Variants in NOL10 observed in about 807,000 individuals in gnomAD.
NOL10 encodes the protein H_NH0074G24.1.
Under a neutral mutation model 103.5 loss-of-function variants are expected in NOL10, and 58 were observed. The observed-to-expected ratio is 0.56, with a 90% CI of 0.45 to 0.70. The LOEUF (loss-of-function observed/expected upper bound fraction) is 0.70, where lower values mean the gene tolerates loss of function less well. Ranked by LOEUF, NOL10 falls within the 30% of genes least tolerant of loss-of-function variation. The probability of loss-of-function intolerance (pLI) is 0.00; values close to 1 mark genes in which losing one functional copy is unlikely to be tolerated. For synonymous variants in NOL10, 287 were observed against 282.5 expected, an observed-to-expected ratio of 1.02 and a Z score of -0.16; for missense variants, 763 against 807.3, an observed-to-expected ratio of 0.95 and a Z score of 0.67.
chr2:10,636,749 GGAA>G (rs202180578), intron 13 of NOL10, among the ~76,000 whole-genome samples: 3,695 of 152,144 alleles, frequency 0.024, 81 homozygotes, highest in Non-Finnish European at 0.033. Flanking sequence ...CATCTATATA[GGAA>G]GAAGATCACA....
intron 13 of NOL10, among the ~76,000 whole-genome samples, chr2:10,641,479 G>A (rs12472807): frequency 0.58 from 87,907 of 152,016 alleles, 26,525 homozygotes; most frequent in African/African-American, 0.74. Flanking sequence ...TTATTTTCAT[G>A]TACTTTGTAA....
intron 13 of NOL10, among the ~76,000 whole-genome samples, chr2:10,608,815 C>G (rs1049416327): frequency 6.6e-6 from 1 of 152,098 alleles, no homozygotes; most frequent in African/African-American, 2.4e-5. Context: ...TTCACCTCAA[C>G]ACAGCTATGG....
At chr2:10,580,721 T>G (rs1049010894) in intron 19 of NOL10, among the ~76,000 whole-genome samples, 2 of 152,000 alleles carry the variant, frequency 1.3e-5, no homozygotes, top group African/African-American at 4.8e-5. Context: ...ACTTTGGGGT[T>G]TTAAAATACG....
At chr2:10,654,576 T>G in intron 11 of NOL10, 29 bp from the exon 12 acceptor site, 1 of 1,490,446 alleles carries the variant, frequency 6.7e-7, no homozygotes, top group South Asian at 1.2e-5. Context: ...AACGAAGTAT[T>G]AAAAGTTAAA....
intron 8 of NOL10, among the ~76,000 whole-genome samples, chr2:10,665,439 G>T (rs943986681): frequency 6.6e-6 from 1 of 152,132 alleles, no homozygotes; most frequent in African/African-American, 2.4e-5. Flanking sequence ...AAGAACTAAA[G>T]AAGAAACTAA....
intron 13 of NOL10, among the ~76,000 whole-genome samples, chr2:10,618,547 T>C (rs530866226): frequency 2.0e-5 from 3 of 152,362 alleles, no homozygotes; most frequent in African/African-American, 7.2e-5. Flanking sequence ...AGTCGTGTGT[T>C]TGCAGCACTT....
chr2:10,677,629 C>A (rs561462396), intron 3 of NOL10, among the ~76,000 whole-genome samples: 1 of 151,612 alleles, frequency 6.6e-6, no homozygotes, highest in African/African-American at 2.4e-5. Flanking sequence ...CCTGCCATCA[C>A]GACTGTGTAA....
intron 6 of NOL10, among the ~76,000 whole-genome samples, chr2:10,670,352 T>C (rs1451280205): frequency 6.6e-6 from 1 of 152,228 alleles, no homozygotes; most frequent in African/African-American, 2.4e-5. Flanking sequence ...TTGTACTGAA[T>C]TTTTGCCTAC....
intron 13 of NOL10, among the ~76,000 whole-genome samples, chr2:10,627,745 AGAGG>A (rs1191577799): frequency 2.7e-5 from 4 of 147,628 alleles, no homozygotes; most frequent in East Asian, 4.3e-4. Flanking sequence ...TTTTGGAGAG[AGAGG>A]GAGGGAGGGA....
chr2:10,661,953 C>A (rs1680236338), intron 9 of NOL10, among the ~76,000 whole-genome samples: 1 of 151,748 alleles, frequency 6.6e-6, no homozygotes, highest in Non-Finnish European at 1.5e-5. Flanking sequence ...ATACACCCAG[C>A]CTTCTTCCTA....
At chr2:10,650,288 G>A (rs1382406360) in intron 12 of NOL10, among the ~76,000 whole-genome samples, 3 of 141,886 alleles carry the variant, frequency 2.1e-5, no homozygotes, top group Non-Finnish European at 4.6e-5. Flanking sequence ...AGCCCTTAGA[G>A]TATCTGGGAC....
intron 3 of NOL10, among the ~76,000 whole-genome samples, chr2:10,677,040 G>A (rs1681356546): frequency 6.6e-6 from 1 of 151,592 alleles, no homozygotes; most frequent in South Asian, 2.1e-4. Flanking sequence ...CTGGATTCAA[G>A]TGATTCTCCT....
chr2:10,653,181 C>T (rs1007953507), intron 12 of NOL10, among the ~76,000 whole-genome samples: 9 of 146,548 alleles, frequency 6.1e-5, no homozygotes, highest in African/African-American at 1.8e-4. Flanking sequence ...GGTGACAGAG[C>T]GAGACTCCAA....
In NOL10 at chr2:10,669,513, TACACACACAC is replaced by T. The variant is rs112846253; in HGVS notation, c.465-800_465-791del. On this transcript the variant is annotated intron_variant, in intron 6 of 20. Transcript: ENST00000381685. ...ACACACACATACACACACACATATA[TACACACACAC>T]ACACACACACACACACACAAACATA... is the stretch of plus-strand genomic sequence containing the variant. 2.0e-4 allele frequency among the ~76,000 whole-genome samples: 26 copies of T among 132,912 alleles called. 1 individual carries two copies. Among genetic ancestry groups the T allele is most frequent in the Middle Eastern group, 3.9e-3 (1 of 254 alleles). 87.2% of individuals were successfully genotyped at this position (132,912 alleles called of 152,430 possible).
chr2:10,643,622 A>T (rs1678865233), intron 13 of NOL10, among the ~76,000 whole-genome samples: 1 of 152,206 alleles, frequency 6.6e-6, no homozygotes, highest in Non-Finnish European at 1.5e-5. Flanking sequence ...AGGATGATCT[A>T]TGATAATTTA....
chr2:10,572,218 G>A (rs540679789), intron 20 of NOL10, 28 bp from the exon 21 acceptor site: 2 of 1,612,364 alleles, frequency 1.2e-6, no homozygotes, highest in Admixed American at 1.7e-5. Context: ...ATGAGTAGAG[G>A]GAAAGAGAGA....
At chr2:10,687,359 C>G (rs917111216) in intron 1 of NOL10, among the ~76,000 whole-genome samples, 1 of 152,154 alleles carries the variant, frequency 6.6e-6, no homozygotes, top group Admixed American at 6.5e-5. Context: ...AGGTGACCAC[C>G]ACCTCCTCCT....
intron 11 of NOL10, among the ~76,000 whole-genome samples, chr2:10,656,768 T>A (rs982098365): frequency 4.6e-5 from 7 of 152,236 alleles, no homozygotes; most frequent in African/African-American, 1.7e-4. Flanking sequence ...GGGAATTTTT[T>A]AAAAGTGATC....
At chr2:10,584,011 C>T (rs1479837125) in intron 19 of NOL10, among the ~76,000 whole-genome samples, 2 of 152,158 alleles carry the variant, frequency 1.3e-5, no homozygotes, top group Non-Finnish European at 2.9e-5. Flanking sequence ...CCAGTGCTTG[C>T]TCGGCTACCC....
Sources: gnomAD v4.1 joint callset for allele counts (sites outside exome capture counted in the v4.1 genomes callset) on GRCh38, gnomAD v4.1.1 for gene constraint, MANE v1.5 for transcripts, NCBI Gene and HGNC (gene_info 2026-07-23, HGNC 2026-07-21) for gene names.